Variants in ZBBX observed in about 807,000 individuals in gnomAD.
The protein encoded by ZBBX is zinc finger B-box domain-containing protein 1.
A neutral mutation model predicts 108.5 loss-of-function variants in ZBBX; 101 were observed. The observed-to-expected ratio is 0.93, with a 90% CI of 0.79 to 1.10. The LOEUF is 1.10. ZBBX is among the 50% of genes least tolerant of loss of function. The pLI is 0.00. For synonymous variants in ZBBX, 356 were observed against 323.4 expected (o/e 1.10, Z -1.08); for missense variants, 1,009 against 941.4 (o/e 1.07, Z -0.94).
chr3:167,399,472 T>G (rs980409772), intron 1 of ZBBX: 9 of 152,094 alleles, frequency 5.9e-5, no homozygotes, highest in African/African-American at 2.2e-4. Flanking sequence ...TAATTAAAAT[T>G]AACATATACT....
intron 19 of ZBBX, among the ~76,000 whole-genome samples, chr3:167,287,717 C>T (rs114648967): frequency 0.014 from 2,117 of 152,176 alleles, 26 homozygotes; most frequent in South Asian, 0.026. Flanking sequence ...TAAAGCAGTT[C>T]TTTCTGATTG....
chr3:167,254,887 T>TGAGAGAGAGAGAGAATGAGAGA (rs757639165), intron 20 of ZBBX, among the ~76,000 whole-genome samples: 1,672 of 141,330 alleles, frequency 0.012, 38 homozygotes, highest in African/African-American at 0.042. Context: ...TGTGTGTGTG[T>TGAGAGAGAGAGAGAATGAGAGA]GAGAGAGAGA....
intron 1 of ZBBX, among the ~76,000 whole-genome samples, chr3:167,386,916 C>T (rs967536228): frequency 1.3e-5 from 2 of 151,984 alleles, no homozygotes; most frequent in Non-Finnish European, 2.9e-5. Flanking sequence ...AATTTTCTTT[C>T]ATCAACTTTA....
chr3:167,346,393 T>TTTCAGAGA, intron 9 of ZBBX, among the ~76,000 whole-genome samples: 1 of 151,952 alleles, frequency 6.6e-6, no homozygotes, highest in East Asian at 1.9e-4. Flanking sequence ...GCCTTCAATT[T>TTTCAGAGA]TTCAGAGATC....
intron 2 of ZBBX, among the ~76,000 whole-genome samples, chr3:167,374,540 G>A (rs1746646427): frequency 1.3e-5 from 2 of 152,116 alleles, no homozygotes; most frequent in East Asian, 3.9e-4. Flanking sequence ...ACCATTTGAT[G>A]CTGTCATTTA....
At chr3:167,366,963 A>G (rs1275674128) in intron 5 of ZBBX, 1 of 455,314 alleles carries the variant, frequency 2.2e-6, no homozygotes, top group Non-Finnish European at 4.4e-6. Flanking sequence ...GATTAAACCA[A>G]TGCTCTATTA....
At chr3:167,375,355 G>A (rs1371026471) in intron 2 of ZBBX, among the ~76,000 whole-genome samples, 3 of 152,130 alleles carry the variant, frequency 2.0e-5, no homozygotes, top group African/African-American at 2.4e-5. Context: ...ACCTTGGGAG[G>A]CCAAGGTGGG....
chr3:167,231,422 C>G, the ZBBX span, among the ~76,000 whole-genome samples: 10 of 151,636 alleles, frequency 6.6e-5, no homozygotes, highest in Admixed American at 1.3e-4. Flanking sequence ...TGGTCGACCA[C>G]TTTAAATAAT....
chr3:167,215,084 C>T, the ZBBX span, among the ~76,000 whole-genome samples: 1 of 151,848 alleles, frequency 6.6e-6, no homozygotes. Flanking sequence ...ATTAGAGATG[C>T]AATACCAAAC....
At chr3:167,305,551 G>A in intron 17 of ZBBX, 92 bp downstream of exon 17, 2 of 996,096 alleles carry the variant, frequency 2.0e-6, no homozygotes, top group Non-Finnish European at 1.4e-6. Context: ...AACTTTAATA[G>A]GAAGTAACTT....
intron 9 of ZBBX, among the ~76,000 whole-genome samples, chr3:167,337,467 C>T (rs959337492): frequency 1.3e-5 from 2 of 151,988 alleles, no homozygotes; most frequent in Non-Finnish European, 2.9e-5. Context: ...TGCAGTGAGC[C>T]GAGATTGTGC....
At chr3:167,298,126 T>C (rs1163023138) in intron 18 of ZBBX, among the ~76,000 whole-genome samples, 179 bp downstream of exon 18, 2 of 152,070 alleles carry the variant, frequency 1.3e-5, no homozygotes, top group African/African-American at 4.8e-5. Flanking sequence ...CCTAGTTTCA[T>C]TGTAAGTCAT....
intron 20 of ZBBX, among the ~76,000 whole-genome samples, chr3:167,264,514 A>C: frequency 6.6e-6 from 1 of 152,234 alleles, no homozygotes; most frequent in African/African-American, 2.4e-5. Flanking sequence ...TATACTTTAA[A>C]CTATGAACCT....
intron 20 of ZBBX, among the ~76,000 whole-genome samples, chr3:167,267,411 T>C (rs1725721079): frequency 6.6e-6 from 1 of 152,166 alleles, no homozygotes; most frequent in Non-Finnish European, 1.5e-5. Flanking sequence ...AAATTGAGCC[T>C]AACTAGGACC....
chr3:167,320,022 G>A (rs759432764), intron 12 of ZBBX, among the ~76,000 whole-genome samples: 5 of 151,068 alleles, frequency 3.3e-5, no homozygotes, highest in Admixed American at 6.6e-5. Context: ...GTGTGTGCAC[G>A]CACGTGTGTG....
At chr3:167,288,485 T>G (rs1356557499) in intron 19 of ZBBX, among the ~76,000 whole-genome samples, 1 of 152,210 alleles carries the variant, frequency 6.6e-6, no homozygotes, top group Non-Finnish European at 1.5e-5. Flanking sequence ...TGGCTCTGTC[T>G]GATCATAATA....
At chr3:167,366,955 T>C (rs746302765) in intron 5 of ZBBX, 13 of 455,826 alleles carry the variant, frequency 2.9e-5, no homozygotes, top group African/African-American at 2.4e-4. Context: ...GATGCTCTGA[T>C]TAAACCAATG....
In ZBBX at chr3:167,289,021, A is replaced by C. The variant is rs1730200380; in HGVS notation, c.1880-38T>G. 12 of 1,432,236 alleles carry C rather than the reference A, an allele frequency of 8.4e-6. No homozygotes were observed. In the East Asian group the frequency reaches 3.0e-4, roughly 36 times the overall value. 88.7% of individuals were successfully genotyped at this position (1,432,236 alleles called of 1,614,324 possible). A position where few individuals can be genotyped will look rare whatever the true frequency, so the allele number is the denominator to read the frequency against. On this transcript the variant is annotated intron_variant, in intron 18 of 21. Coordinates refer to ENST00000675490, the MANE Select transcript of ZBBX (RefSeq NM_001199201.2). Reference sequence around the variant, plus strand: ...AACAGTAAGATAACATAAAGTTTGAAAAGAAGAAAATCCATTTTATTAGTT... The same window carrying C: ...AACAGTAAGATAACATAAAGTTTGACAAGAAGAAAATCCATTTTATTAGTT...
chr3:167,311,279 A>T (rs927436035), intron 16 of ZBBX, among the ~76,000 whole-genome samples: 8 of 152,196 alleles, frequency 5.3e-5, no homozygotes, highest in African/African-American at 1.9e-4. Flanking sequence ...ATAGACACAG[A>T]CCTTACACCT....
Sources: allele counts gnomAD v4.1 joint callset (sites outside exome capture counted in the v4.1 genomes callset), GRCh38; gene constraint gnomAD v4.1.1; transcripts MANE v1.5; gene names NCBI Gene and HGNC (gene_info 2026-07-23, HGNC 2026-07-21).